ANK1: variants seen among roughly 807,000 people sequenced by gnomAD.
The protein encoded by ANK1 is ankyrin-1.
ANK1 carries 51 observed loss-of-function variants against 210.4 expected under a neutral mutation model. The ratio of observed to expected loss-of-function variants is 0.24; its 90% CI spans 0.19 to 0.31. The LOEUF (loss-of-function observed/expected upper bound fraction) is 0.31, where lower values mean the gene tolerates loss of function less well. Among genes scored for constraint, ANK1 ranks in the 10% least tolerant of loss-of-function variants. ANK1 has a pLI of 1.00. For synonymous variants in ANK1, 967 were observed against 1,025.9 expected (o/e 0.94, Z 1.10); for missense variants, 2,051 against 2,504.4 (o/e 0.82, Z 3.86).
upstream of ANK1, among the ~76,000 whole-genome samples, chr8:41,797,796 C>A (rs1213941123): frequency 6.6e-6 from 1 of 152,010 alleles, no homozygotes; most frequent in Non-Finnish European, 1.5e-5. This position sits in a 1 kb window ranked among gnomAD's most constrained non-coding sequence, Gnocchi z 4.0. Flanking sequence ...CTCCCCAGGC[C>A]TCGGCCGGCG....
intron 1 of ANK1, among the ~76,000 whole-genome samples, chr8:41,868,095 G>A (rs966748111): frequency 6.6e-6 from 1 of 152,238 alleles, no homozygotes; most frequent in Admixed American, 6.5e-5. Context: ...CTGACTTCAG[G>A]TGATCCACCA....
chr8:41,748,054 T>C (rs1186817072), intron 2 of ANK1, among the ~76,000 whole-genome samples: 2 of 152,202 alleles, frequency 1.3e-5, no homozygotes, highest in Non-Finnish European at 2.9e-5. Context: ...CCAGCCTCCC[T>C]GGTCAAGCAC....
Position 41,693,193 on chromosome 8 carries a change from C to T in ANK1, c.3541G>A (p.Asp1181Asn), listed in dbSNP as rs1305745666. 2 of 1,606,942 alleles carry T rather than the reference C, an allele frequency of 1.2e-6. No individual in the cohort carries two copies. Among genetic ancestry groups the T allele is most frequent in the African/African-American group, 1.3e-5 (1 of 74,870 alleles). The part of the protein sequence containing the change: ...RLLCSVIGGT[D>N]QAQWEDITGT... ...GTTATGTCTTCCCACTGGGCTTGGTCTGTTCCTCCTGTAACAGCGGCAGAA... is the reference window on the plus strand; with the variant it reads ...GTTATGTCTTCCCACTGGGCTTGGTTTGTTCCTCCTGTAACAGCGGCAGAA... The change falls in exon 30 of 43, where the codon GAC (aspartate) becomes AAC (asparagine). Residue 1181 changes from aspartate (D) to asparagine (N), a missense_variant. Around this residue, in one of 6 missense-constraint regions of ANK1, gnomAD observed 1,413 missense variants for 1,707.4 expected, o/e 0.83. Coordinates refer to ENST00000289734, the MANE Select transcript of ANK1 (RefSeq NM_000037.4).
rs143462842 is a variant in ANK1, at chr8:41,690,160, G to T, written c.4104+67C>A. 1.0e-3 allele frequency: 1,630 copies of T among 1,609,818 alleles called. 13 individuals carry two copies. The African/African-American group carries it at 0.02, about 20-fold the overall frequency. On this transcript the variant is annotated intron_variant, in intron 33 of 42. Coordinates refer to ENST00000289734, the MANE Select transcript of ANK1 (RefSeq NM_000037.4). Reference sequence around the variant, plus strand: ...GCCCCTTGGAAGTGCTGGACCTGGGGTCTGTTTGGGGACCTCCTACAGGGA... The same window carrying T: ...GCCCCTTGGAAGTGCTGGACCTGGGTTCTGTTTGGGGACCTCCTACAGGGA...
chr8:41,852,190 G>A (rs1408725024), intron 1 of ANK1, among the ~76,000 whole-genome samples: 1 of 152,216 alleles, frequency 6.6e-6, no homozygotes, highest in African/African-American at 2.4e-5. Context: ...AAAGGAGGAG[G>A]TCACGGCGAT....
intron 1 of ANK1, among the ~76,000 whole-genome samples, chr8:41,774,493 C>T (rs954908372): frequency 6.6e-6 from 1 of 152,242 alleles, no homozygotes. Context: ...GTTTCAGGTG[C>T]TTCCCATCCC....
Position 41,733,991 on chromosome 8 carries a change from T to A in ANK1, c.208A>T (p.Ile70Phe), listed in dbSNP as rs777382981. ...CATACCTTGGTTGTCGTTTCTAGAA[T>A]GATTTCTTTGTGCAGAAGTTCAACC... ...MVVELLHKEI[I>F]LETTTKKGNT... The change falls in exon 3 of 43, where the codon ATT becomes TTT. Residue 70 changes from isoleucine to phenylalanine, a missense_variant. Ile to Phe is a conservative substitution (Grantham distance 21, BLOSUM62 0). Around this residue, in one of 6 missense-constraint regions of ANK1, gnomAD observed 72 missense variants for 133.5 expected, o/e 0.54. Coordinates refer to ENST00000289734, the MANE Select transcript of ANK1 (RefSeq NM_000037.4). The A allele has an allele frequency of 1.2e-6, 2 of 1,614,236 alleles. No individual in the cohort carries two copies. The highest frequency in any genetic ancestry group is 1.6e-4 in the Middle Eastern group (1 of 6,062).
At chr8:41,877,394 GACC>G (rs1816790972) in intron 1 of ANK1, among the ~76,000 whole-genome samples, 1 of 152,258 alleles carries the variant, frequency 6.6e-6, no homozygotes. Flanking sequence ...TTCCAGCTGA[GACC>G]CTGGGCGAGT....
chr8:41,821,484 A>T (rs542676468), intron 1 of ANK1, among the ~76,000 whole-genome samples: 1 of 152,204 alleles, frequency 6.6e-6, no homozygotes. Flanking sequence ...GTAGGGCTTT[A>T]AACAAAATAA....
At chr8:41,866,106 C>G (rs1261178962) in intron 1 of ANK1, among the ~76,000 whole-genome samples, 2 of 152,230 alleles carry the variant, frequency 1.3e-5, no homozygotes, top group African/African-American at 4.8e-5. Flanking sequence ...TCTCTTGGGG[C>G]CACCAGGGAG....
intron 1 of ANK1, among the ~76,000 whole-genome samples, chr8:41,837,409 A>G (rs1026172267): frequency 6.6e-6 from 1 of 152,178 alleles, no homozygotes; most frequent in African/African-American, 2.4e-5. Flanking sequence ...TTGGGGGGGA[A>G]ACACACTGAC....
At chr8:41,877,264 A>T (rs1397878255) in intron 1 of ANK1, among the ~76,000 whole-genome samples, 1 of 152,276 alleles carries the variant, frequency 6.6e-6, no homozygotes, top group Non-Finnish European at 1.5e-5. Context: ...CCTGGTCCAG[A>T]CCATGGCCTC....
chr8:41,877,023 G>A (rs555390622), intron 1 of ANK1, among the ~76,000 whole-genome samples: 5 of 152,344 alleles, frequency 3.3e-5, no homozygotes, highest in African/African-American at 1.2e-4. Flanking sequence ...GCTGAGCACA[G>A]TGGCTCACAT....
intron 36 of ANK1, among the ~76,000 whole-genome samples, chr8:41,685,182 G>A (rs1817388411): frequency 6.6e-6 from 1 of 152,224 alleles, no homozygotes; most frequent in Admixed American, 6.5e-5. Context: ...ACCTGCCTTG[G>A]CCTCCCAAAG....
At chr8:41,723,038 T>C in intron 9 of ANK1, 87 bp downstream of exon 9, 2 of 1,212,174 alleles carry the variant, frequency 1.6e-6, no homozygotes, top group Non-Finnish European at 2.5e-6. Flanking sequence ...TTAGCATCTC[T>C]GTTTTACAGA....
At chr8:41,727,548 C>T (rs766476774) in intron 4 of ANK1, among the ~76,000 whole-genome samples, 200 bp from the exon 5 acceptor site, 2 of 152,162 alleles carry the variant, frequency 1.3e-5, no homozygotes, top group Non-Finnish European at 2.9e-5. Context: ...TGCCTCCCCT[C>T]GCCACCGTAG....
At chr8:41,722,010 T>C (rs1829401474) in intron 9 of ANK1, among the ~76,000 whole-genome samples, 1 of 152,260 alleles carries the variant, frequency 6.6e-6, no homozygotes, top group African/African-American at 2.4e-5. Context: ...TTCTAATAAT[T>C]TAACTGATAG....
chr8:41,738,031 C>CGG (rs2150679719), intron 2 of ANK1, among the ~76,000 whole-genome samples: 2 of 152,192 alleles, frequency 1.3e-5, no homozygotes, highest in African/African-American at 4.8e-5. Context: ...AATGCAAAAT[C>CGG]ATGTGAAAAA....
intron 1 of ANK1, among the ~76,000 whole-genome samples, chr8:41,842,786 G>C (rs1464272602): frequency 6.6e-6 from 1 of 152,178 alleles, no homozygotes. Flanking sequence ...TCACTGAACT[G>C]TGTGAATCTA....
Sources: allele counts gnomAD v4.1 joint callset (sites outside exome capture counted in the v4.1 genomes callset), GRCh38; gene constraint gnomAD v4.1.1; regional missense constraint gnomAD v4.1.1; non-coding constraint Gnocchi (gnomAD v3.1); transcripts MANE v1.5; gene names NCBI Gene and HGNC (gene_info 2026-07-23, HGNC 2026-07-21).